The following ZBBX variants were observed in gnomAD, a reference collection of about 807,000 sequenced individuals.
ZBBX encodes zinc finger B-box domain-containing protein 1.
Under a neutral mutation model 108.5 loss-of-function variants are expected in ZBBX, and 101 were observed. The observed-to-expected ratio is 0.93, with a 90% CI of 0.79 to 1.10. ZBBX has a LOEUF of 1.10. Ranked by LOEUF, ZBBX falls within the 50% of genes least tolerant of loss-of-function variation. The pLI is 0.00. For synonymous variants in ZBBX, 356 were observed against 323.4 expected, an observed-to-expected ratio of 1.10 and a Z score of -1.08; for missense variants, 1,009 against 941.4, an observed-to-expected ratio of 1.07 and a Z score of -0.94.
chr3:167,355,553 A>G (rs769410960), intron 8 of ZBBX, among the ~76,000 whole-genome samples: 14 of 151,640 alleles, frequency 9.2e-5, no homozygotes, highest in Non-Finnish European at 1.0e-4. Flanking sequence ...ATATCTATAT[A>G]CATAGATATA....
At chr3:167,254,333 G>A (rs1338223001) in intron 20 of ZBBX, among the ~76,000 whole-genome samples, 8 of 152,170 alleles carry the variant, frequency 5.3e-5, no homozygotes, top group Middle Eastern at 3.4e-3. Context: ...TAGTGAACCG[G>A]GTACAGTGTA....
the ZBBX span, among the ~76,000 whole-genome samples, chr3:167,230,023 T>C: frequency 6.6e-6 from 1 of 151,824 alleles, no homozygotes; most frequent in Non-Finnish European, 1.5e-5. Context: ...AAGTATGAAA[T>C]CTGGAATTTG....
intron 20 of ZBBX, among the ~76,000 whole-genome samples, chr3:167,276,740 A>G (rs971634219): frequency 6.6e-6 from 1 of 152,210 alleles, no homozygotes; most frequent in African/African-American, 2.4e-5. Flanking sequence ...GGAAATATAG[A>G]GAACGCCACA....
chr3:167,285,712 A>G (rs1410135228), intron 19 of ZBBX, among the ~76,000 whole-genome samples: 1 of 152,124 alleles, frequency 6.6e-6, no homozygotes, highest in Non-Finnish European at 1.5e-5. Context: ...TTATAAAATT[A>G]TTTATCACCC....
intron 20 of ZBBX, among the ~76,000 whole-genome samples, 159 bp downstream of exon 20, chr3:167,282,079 G>A (rs1179060406): frequency 3.3e-5 from 5 of 152,014 alleles, no homozygotes; most frequent in East Asian, 3.9e-4. Context: ...GAGTGATATC[G>A]GGGATTTCCA....
intron 15 of ZBBX, among the ~76,000 whole-genome samples, chr3:167,315,100 A>C (rs1475535189): frequency 6.6e-6 from 1 of 152,170 alleles, no homozygotes; most frequent in Non-Finnish European, 1.5e-5. Flanking sequence ...GATCTGAATC[A>C]AGAATTGGTA....
intron 20 of ZBBX, among the ~76,000 whole-genome samples, chr3:167,274,343 C>A (rs1194656790): frequency 2.6e-5 from 4 of 152,126 alleles, no homozygotes; most frequent in Admixed American, 2.6e-4. Context: ...ACCATGCATC[C>A]GTGGGCTAGT....
At chr3:167,245,819 CTT>C (rs57014445) in intron 20 of ZBBX, among the ~76,000 whole-genome samples, 1 of 150,368 alleles carries the variant, frequency 6.7e-6, no homozygotes, top group African/African-American at 2.4e-5. Context: ...AATTAAACTT[CTT>C]TTTTTTTTAT....
At chr3:167,387,726 A>C (rs1747961853) in intron 1 of ZBBX, among the ~76,000 whole-genome samples, 2 of 151,948 alleles carry the variant, frequency 1.3e-5, no homozygotes, top group Non-Finnish European at 2.9e-5. Flanking sequence ...AGGAGATACT[A>C]ATGGACTAGG....
chr3:167,261,449 G>A (rs572562140), intron 20 of ZBBX, among the ~76,000 whole-genome samples: 1 of 151,704 alleles, frequency 6.6e-6, no homozygotes, highest in African/African-American at 2.4e-5. Flanking sequence ...GGACCATCAG[G>A]TGGGGGTGGG....
chr3:167,341,757 TTTCAGCAATTG>T (rs1740570989), intron 9 of ZBBX, among the ~76,000 whole-genome samples: 2 of 151,962 alleles, frequency 1.3e-5, no homozygotes, highest in Non-Finnish European at 2.9e-5. Context: ...AGTTAACTGC[TTTCAGCAATTG>T]TTCATATTTG....
chr3:167,379,544 G>A (rs1747495247), intron 2 of ZBBX, 94 bp downstream of exon 2: 1 of 152,184 alleles, frequency 6.6e-6, no homozygotes, highest in Non-Finnish European at 1.5e-5. Context: ...TTTTAATCCT[G>A]TGTAGTTTCA....
chr3:167,353,809 G>A (rs1743067144), intron 8 of ZBBX, among the ~76,000 whole-genome samples: 1 of 151,984 alleles, frequency 6.6e-6, no homozygotes, highest in Non-Finnish European at 1.5e-5. Flanking sequence ...TTTGTCCAGA[G>A]TCATACAAGC....
At position 167,305,830 on chromosome 3, in the gene ZBBX, A is replaced by T; in HGVS notation, c.1538T>A (p.Leu513Ter). The T allele has an allele frequency of 6.2e-7, 1 of 1,612,106 alleles. No individual in the cohort carries two copies. The highest frequency in any genetic ancestry group is 8.5e-7 in the Non-Finnish European group (1 of 1,179,124). The change falls in exon 17 of 22, where the codon TTA becomes TAA. Residue 513 changes from leucine to a stop codon, truncating the protein, a stop_gained. Transcript: ENST00000675490. LOFTEE classifies it high-confidence loss of function. ...ATCATCAGACTTTTGATTACTTTCT[A>T]AACCTATATTTTTCTCCTTTAAATT... ...ERNLKEKNIG[L>*]ESNQKSDDSC...
intron 2 of ZBBX, among the ~76,000 whole-genome samples, chr3:167,375,517 G>A (rs1293923663): frequency 2.6e-5 from 4 of 151,918 alleles, no homozygotes; most frequent in Non-Finnish European, 5.9e-5. Flanking sequence ...GCTTGAACCC[G>A]GGAGGTCGAG....
In ZBBX at chr3:167,356,079, G is replaced by C. The variant is rs938305359; in HGVS notation, c.432+3791C>G. ...TTCCATGGCTCAAGTGCTTACCACA[G>C]AGTAGGAGTCACAAAAAATATTGAC... On this transcript the variant is annotated intron_variant, in intron 8 of 21. Coordinates refer to ENST00000675490, the MANE Select transcript of ZBBX (RefSeq NM_001199201.2). Among the ~76,000 whole-genome samples, 35 of 152,072 alleles carry C rather than the reference G, an allele frequency of 2.3e-4. 1 individual carries two copies. The highest frequency in any genetic ancestry group is 1.0e-4 in the Non-Finnish European group (7 of 67,946).
At chr3:167,348,710 C>T (rs565919366) in intron 9 of ZBBX, among the ~76,000 whole-genome samples, 200 of 151,814 alleles carry the variant, frequency 1.3e-3, no homozygotes, top group Non-Finnish European at 5.3e-4. Flanking sequence ...CTATGTAACC[C>T]GAAGGAAGTT....
intron 21 of ZBBX, 42 bp from the exon 22 acceptor site, chr3:167,240,961 G>A (rs115098139): frequency 0.019 from 30,366 of 1,598,842 alleles, 403 homozygotes; most frequent in South Asian, 0.029. Flanking sequence ...ATACAGAACC[G>A]GGTTTCAACT....
intron 14 of ZBBX, among the ~76,000 whole-genome samples, chr3:167,316,635 T>C (rs1735512708): frequency 6.6e-6 from 1 of 152,088 alleles, no homozygotes; most frequent in Non-Finnish European, 1.5e-5. Flanking sequence ...AAATTTACAC[T>C]TATATTTTAA....
Sources: gnomAD v4.1 joint callset for allele counts (sites outside exome capture counted in the v4.1 genomes callset) on GRCh38, gnomAD v4.1.1 for gene constraint, MANE v1.5 for transcripts, NCBI Gene and HGNC (gene_info 2026-07-23, HGNC 2026-07-21) for gene names.